The following SDK1 variants were observed in gnomAD, a reference collection of about 807,000 sequenced individuals.
The protein encoded by SDK1 is sidekick cell adhesion molecule 1, also known as protein sidekick-1.
Under a neutral mutation model 245.5 loss-of-function variants are expected in SDK1, and 157 were observed. The observed-to-expected ratio is 0.64, with a 90% CI of 0.56 to 0.73. The LOEUF is 0.73. SDK1 is among the 30% of genes least tolerant of loss of function. The probability of loss-of-function intolerance (pLI) is 0.00; values close to 1 mark genes in which losing one functional copy is unlikely to be tolerated. For missense variants in SDK1, 3,583 were observed against 3,002.3 expected, an observed-to-expected ratio of 1.19 and a Z score of -4.52; for synonymous variants, 1,647 against 1,278.5, an observed-to-expected ratio of 1.29 and a Z score of -6.15.
intron 4 of SDK1, among the ~76,000 whole-genome samples, chr7:3,649,303 A>G (rs759671393): frequency 3.9e-5 from 6 of 152,092 alleles, no homozygotes; most frequent in Non-Finnish European, 8.8e-5. Context: ...TATAATTTGT[A>G]TATAACAAAA....
intron 14 of SDK1, among the ~76,000 whole-genome samples, chr7:3,990,443 C>T (rs887338205): frequency 6.6e-5 from 10 of 152,232 alleles, no homozygotes; most frequent in East Asian, 1.9e-4. Context: ...TCTGACCGAA[C>T]GGGGAAGGCC....
intron 40 of SDK1, among the ~76,000 whole-genome samples, chr7:4,227,744 C>T (rs1361659263): frequency 6.6e-6 from 1 of 152,210 alleles, no homozygotes. Flanking sequence ...CAGCTCCGTT[C>T]TGGGCGTTGG....
At chr7:3,747,064 T>C (rs537402220) in intron 4 of SDK1, among the ~76,000 whole-genome samples, 1 of 152,346 alleles carries the variant, frequency 6.6e-6, no homozygotes, top group South Asian at 2.1e-4. Context: ...ATGGATGCTG[T>C]GGCATGAAAC....
chr7:3,935,041 T>A (rs575388701), intron 5 of SDK1, among the ~76,000 whole-genome samples: 1 of 152,340 alleles, frequency 6.6e-6, no homozygotes, highest in South Asian at 2.1e-4. Flanking sequence ...TTGAGAGCAT[T>A]CTTTTCTGTC....
At chr7:3,627,552 C>G (rs1261684545) in intron 2 of SDK1, among the ~76,000 whole-genome samples, 1 of 152,126 alleles carries the variant, frequency 6.6e-6, no homozygotes. Flanking sequence ...GCATCCAGTC[C>G]CAAGTGGCCA....
At chr7:3,491,420 T>C (rs1355116711) in intron 1 of SDK1, among the ~76,000 whole-genome samples, 1 of 152,250 alleles carries the variant, frequency 6.6e-6, no homozygotes, top group Non-Finnish European at 1.5e-5. Flanking sequence ...TGAGACCCAC[T>C]GGTTTAGAGC....
chr7:3,676,919 T>C (rs952460170), intron 4 of SDK1, among the ~76,000 whole-genome samples: 51 of 152,336 alleles, frequency 3.3e-4, no homozygotes, highest in Admixed American at 1.1e-3. Context: ...GGCCTTGTAG[T>C]ATAGTTTGAA....
intron 4 of SDK1, among the ~76,000 whole-genome samples, chr7:3,764,997 A>G (rs540881844): frequency 6.6e-6 from 1 of 152,288 alleles, no homozygotes; most frequent in African/African-American, 2.4e-5. Context: ...ATGAATCTCA[A>G]GTATCTCAGT....
chr7:4,077,193 A>C lies in SDK1; in HGVS notation c.3202+4A>C, dbSNP rs1780740783. 1 of 1,613,574 alleles carries C rather than the reference A, an allele frequency of 6.2e-7. No homozygotes were observed. The highest frequency in any genetic ancestry group is 1.7e-5 in the Admixed American group (1 of 59,986). ...ATTTCTTCTGGAGTGCCCCCAGGTC[A>C]GTAGAATCGTGTGCGGTCCTCCTGC... On this transcript the variant is annotated splice_donor_region_variant and intron_variant, in intron 21 of 44. Transcript: ENST00000404826.
In SDK1 at chr7:3,968,059, C is replaced by A. The variant is rs62439589; in HGVS notation, c.1546+625C>A. Among the ~76,000 whole-genome samples, 470 of 152,368 alleles carry A rather than the reference C, an allele frequency of 3.1e-3. 1 individual carries two copies. The highest frequency in any genetic ancestry group is 5.4e-3 in the Non-Finnish European group (367 of 68,038). The stretch of plus-strand genomic sequence containing the variant: ...TGCCTCAGGCCTCCTCGGGCCTTAC[C>A]GTGTCAAGGACTGGATGTGAAGTCA... On this transcript the variant is annotated intron_variant, in intron 10 of 44. Coordinates refer to ENST00000404826, the MANE Select transcript of SDK1 (RefSeq NM_152744.4).
At chr7:3,631,413 C>A (rs1782284376) in intron 2 of SDK1, among the ~76,000 whole-genome samples, 1 of 152,186 alleles carries the variant, frequency 6.6e-6, no homozygotes, top group Non-Finnish European at 1.5e-5. Context: ...CTCTAGTTGT[C>A]CATCTTGATG....
At chr7:3,871,053 T>C (rs935344173) in intron 5 of SDK1, among the ~76,000 whole-genome samples, 1 of 152,374 alleles carries the variant, frequency 6.6e-6, no homozygotes, top group African/African-American at 2.4e-5. Context: ...CCTCTCTGTT[T>C]ATTTCGGTCA....
intron 4 of SDK1, among the ~76,000 whole-genome samples, chr7:3,798,468 T>C (rs778827684): frequency 1.4e-4 from 21 of 152,070 alleles, no homozygotes; most frequent in South Asian, 8.3e-4. Context: ...CCACCCACCT[T>C]GGCCTCCCAA....
chr7:3,696,709 A>G (rs1177155193), intron 4 of SDK1, among the ~76,000 whole-genome samples: 1 of 152,114 alleles, frequency 6.6e-6, no homozygotes, highest in African/African-American at 2.4e-5. Flanking sequence ...AATGTTAACA[A>G]AAGTAATCAA....
chr7:3,895,312 T>C (rs1226612057), intron 5 of SDK1, among the ~76,000 whole-genome samples: 1 of 152,236 alleles, frequency 6.6e-6, no homozygotes, highest in Non-Finnish European at 1.5e-5. Context: ...TTCATCTTTA[T>C]AGAAACACAT....
intron 4 of SDK1, among the ~76,000 whole-genome samples, chr7:3,815,619 C>A (rs1208993209): frequency 1.3e-5 from 2 of 149,680 alleles, no homozygotes; most frequent in African/African-American, 2.5e-5. Context: ...CAGAATGATG[C>A]TGGCCTCATA....
intron 4 of SDK1, among the ~76,000 whole-genome samples, chr7:3,733,922 G>A (rs534937172): frequency 1.1e-4 from 17 of 152,240 alleles, no homozygotes; most frequent in South Asian, 4.1e-4. Context: ...GCTACTGACC[G>A]AGATCTCCAA....
At chr7:3,364,801 G>A (rs1276162789) in intron 1 of SDK1, among the ~76,000 whole-genome samples, 1 of 151,874 alleles carries the variant, frequency 6.6e-6, no homozygotes, top group Non-Finnish European at 1.5e-5. Flanking sequence ...ACACTTTTCT[G>A]TATCTAGAAA....
At chr7:3,328,070 G>T (rs926349557) in intron 1 of SDK1, among the ~76,000 whole-genome samples, 9 of 152,020 alleles carry the variant, frequency 5.9e-5, no homozygotes, top group Non-Finnish European at 1.0e-4. Flanking sequence ...TAAAAATAAC[G>T]TGTTACTGGT....
Sources: gnomAD v4.1 joint callset for allele counts (sites outside exome capture counted in the v4.1 genomes callset) on GRCh38, gnomAD v4.1.1 for gene constraint, MANE v1.5 for transcripts, NCBI Gene and HGNC (gene_info 2026-07-23, HGNC 2026-07-21) for gene names.